The following MINDY4B variants were observed in gnomAD, a reference collection of about 807,000 sequenced individuals.
MINDY4B encodes inactive ubiquitin carboxyl-terminal hydrolase MINDY-4B.
A neutral mutation model predicts 16.7 loss-of-function variants in MINDY4B; 25 were observed. The ratio of observed to expected loss-of-function variants is 1.49; its 90% confidence interval spans 1.09 to 2.09. The LOEUF (loss-of-function observed/expected upper bound fraction) is 2.09. Ranked by LOEUF, MINDY4B falls within the 30% of genes most tolerant of loss-of-function variation. The probability of loss-of-function intolerance (pLI) is 0.00; values close to 1 mark genes in which losing one functional copy is unlikely to be tolerated. For missense variants in MINDY4B, 327 were observed against 168.4 expected, an observed-to-expected ratio of 1.94 and a Z score of -5.21; for synonymous variants, 132 against 61.9, an observed-to-expected ratio of 2.13 and a Z score of -5.32.
At chr3:150,904,276 C>A (rs950967217) in intron 2 of MINDY4B, among the ~76,000 whole-genome samples, 16 of 152,014 alleles carry the variant, frequency 1.1e-4, no homozygotes, top group African/African-American at 3.4e-4. Flanking sequence ...AATGTTCTAT[C>A]CCCCCAAATG....
In MINDY4B at chr3:150,891,013, G is replaced by A. The variant is rs752348935; in HGVS notation, c.612C>T (p.Ala204=). 4.3e-6 allele frequency: 3 copies of A among 702,764 alleles called. No individual in the cohort carries two copies. The highest frequency in any genetic ancestry group is 3.5e-5 in the African/African-American group (2 of 57,258). 43.5% of individuals were successfully genotyped at this position (702,764 alleles called of 1,614,324 possible). The change falls in exon 6 of 12, where the codon GCC becomes GCT. Residue 204 remains alanine (A), a synonymous_variant. Transcript: ENST00000465419. ...TGTCCTCAGTGACAAGACAGATGGT[G>A]GCCTTCTGAGCTGCTCCTGCAGCCC... ...ILWAAGAAQK[A]TICLVTEDIY...
At chr3:150,889,164 A>G (rs1353404988) in intron 7 of MINDY4B, among the ~76,000 whole-genome samples, 1 of 152,246 alleles carries the variant, frequency 6.6e-6, no homozygotes, top group South Asian at 2.1e-4. Context: ...CAGATTTATG[A>G]TCTTACAGTT....
At chr3:150,873,557 C>G (rs757660788) in intron 10 of MINDY4B, among the ~76,000 whole-genome samples, 190 bp from the exon 11 acceptor site, 2 of 152,150 alleles carry the variant, frequency 1.3e-5, no homozygotes, top group African/African-American at 2.4e-5. Context: ...TATGAATGAT[C>G]TGGTATAGTG....
At chr3:150,885,503 T>C (rs1219296345) in intron 7 of MINDY4B, 65 bp from the exon 8 acceptor site, 1 of 692,626 alleles carries the variant, frequency 1.4e-6, no homozygotes, top group Non-Finnish European at 2.6e-6. Flanking sequence ...TATCTGTGGG[T>C]ATGAATTCAA....
chr3:150,888,043 G>C (rs577466837), intron 7 of MINDY4B, among the ~76,000 whole-genome samples: 6 of 152,184 alleles, frequency 3.9e-5, no homozygotes, highest in Admixed American at 3.3e-4. Context: ...GGAGGCGGAG[G>C]TTGCAGTGAG....
At chr3:150,895,710 C>T (rs935468833) in intron 3 of MINDY4B, among the ~76,000 whole-genome samples, 23 of 152,166 alleles carry the variant, frequency 1.5e-4, no homozygotes, top group Non-Finnish European at 2.6e-4. Context: ...GGTGATCTGC[C>T]GGTCTTGGCC....
At chr3:150,893,057 G>C (rs1299244728) in intron 5 of MINDY4B, among the ~76,000 whole-genome samples, 1 of 152,068 alleles carries the variant, frequency 6.6e-6, no homozygotes, top group East Asian at 1.9e-4. Flanking sequence ...GCCCACCTGA[G>C]ACCTGCTGCT....
At chr3:150,889,217 C>A (rs1318680220) in intron 7 of MINDY4B, among the ~76,000 whole-genome samples, 4 of 152,216 alleles carry the variant, frequency 2.6e-5, no homozygotes, top group Non-Finnish European at 5.9e-5. Context: ...GAGCTAAAAT[C>A]AAGATGTCAG....
chr3:150,891,142 G>T, intron 5 of MINDY4B, 39 bp from the exon 6 acceptor site: 1 of 680,768 alleles, frequency 1.5e-6, no homozygotes, highest in South Asian at 1.5e-5. Flanking sequence ...CCATTGGAAT[G>T]AACATCACCT....
chr3:150,873,433 C>T (rs1023213646), intron 10 of MINDY4B, 66 bp from the exon 11 acceptor site: 4 of 663,078 alleles, frequency 6.0e-6, no homozygotes, highest in African/African-American at 3.6e-5. Flanking sequence ...CATGCCGATA[C>T]ATGATCGCGA....
chr3:150,896,831 C>G (rs148984029), intron 3 of MINDY4B, among the ~76,000 whole-genome samples: 134 of 151,942 alleles, frequency 8.8e-4, no homozygotes, highest in Admixed American at 3.1e-3. Flanking sequence ...GCTTGGGACA[C>G]ATTTTGTAAC....
At chr3:150,887,701 G>C (rs898916625) in intron 7 of MINDY4B, among the ~76,000 whole-genome samples, 1 of 152,222 alleles carries the variant, frequency 6.6e-6, no homozygotes, top group Non-Finnish European at 1.5e-5. Flanking sequence ...CATATGACAG[G>C]TGTGTTTGTT....
Position 150,890,400 on chromosome 3 carries a change from CAGAAGATAAAAATGAAAA to C in MINDY4B, c.688-33_688-16del. ...AACAGCTGGAGCTATAAATCAGGAA[CAGAAGATAAAAATGAAAA>C]GGAAGATGAAAGTTACATCTAAGAG... On this transcript the variant is annotated splice_polypyrimidine_tract_variant and intron_variant, in intron 6 of 11. Coordinates refer to ENST00000465419, the MANE Select transcript of MINDY4B (RefSeq NM_001351281.2). The C allele has an allele frequency of 1.6e-6, 1 of 615,358 alleles. No individual in the cohort carries two copies. The highest frequency in any genetic ancestry group is 2.9e-5 in the East Asian group (1 of 34,828). The allele number at this position is 615,358 out of a possible 1,614,324, so 38.1% of individuals were successfully genotyped here.
chr3:150,871,930 G>T (rs74533436), intron 11 of MINDY4B, among the ~76,000 whole-genome samples: 3,300 of 152,256 alleles, frequency 0.022, 113 homozygotes, highest in African/African-American at 0.075. Flanking sequence ...TTTCTAGTGG[G>T]GTAAGCAAGA....
intron 10 of MINDY4B, among the ~76,000 whole-genome samples, chr3:150,876,200 A>G (rs1207911801): frequency 6.6e-6 from 1 of 152,242 alleles, no homozygotes; most frequent in African/African-American, 2.4e-5. Flanking sequence ...ACATGCAGCA[A>G]TCAGGCTTTT....
intron 8 of MINDY4B, among the ~76,000 whole-genome samples, chr3:150,884,267 A>G (rs1711571781): frequency 6.6e-6 from 1 of 152,196 alleles, no homozygotes; most frequent in Non-Finnish European, 1.5e-5. Flanking sequence ...TTGACAATAT[A>G]AGGTCAAGGT....
intron 7 of MINDY4B, among the ~76,000 whole-genome samples, chr3:150,888,404 G>T (rs1054067559): frequency 6.6e-6 from 1 of 151,944 alleles, no homozygotes; most frequent in African/African-American, 2.4e-5. Context: ...CCAGGGGAGG[G>T]GGTCAGAACT....
intron 10 of MINDY4B, among the ~76,000 whole-genome samples, chr3:150,882,043 G>T (rs917094580): frequency 6.6e-6 from 1 of 152,200 alleles, no homozygotes; most frequent in East Asian, 1.9e-4. Flanking sequence ...TGGCATTTGG[G>T]AGAGGTGGTT....
chr3:150,901,668 G>A (rs1712119952), intron 3 of MINDY4B, among the ~76,000 whole-genome samples: 1 of 151,856 alleles, frequency 6.6e-6, no homozygotes, highest in East Asian at 1.9e-4. Flanking sequence ...ACTACAGGAT[G>A]TGCCACCATG....
Sources: gnomAD v4.1 joint callset for allele counts (sites outside exome capture counted in the v4.1 genomes callset) on GRCh38, gnomAD v4.1.1 for gene constraint, MANE v1.5 for transcripts, NCBI Gene and HGNC (gene_info 2026-07-23, HGNC 2026-07-21) for gene names.